Variants in WFDC5 observed in about 807,000 individuals in gnomAD.
WFDC5 encodes WAP four-disulfide core domain 5.
WFDC5 carries 15 observed loss-of-function variants against 15.7 expected under a neutral mutation model. The ratio of observed to expected loss-of-function variants is 0.96; its 90% CI spans 0.64 to 1.47. The LOEUF (loss-of-function observed/expected upper bound fraction) is 1.47, where lower values mean the gene tolerates loss of function less well. Among genes scored for constraint, WFDC5 ranks in the 40% most tolerant of loss-of-function variants. The pLI is 0.00. For synonymous variants in WFDC5, 109 were observed against 107.7 expected, an observed-to-expected ratio of 1.01 and a Z score of -0.07; for missense variants, 280 against 258.0, an observed-to-expected ratio of 1.09 and a Z score of -0.59.
At chr20:45,114,456 C>T (rs143885259) in intron 1 of WFDC5, among the ~76,000 whole-genome samples, 2 of 152,226 alleles carry the variant, frequency 1.3e-5, no homozygotes, top group East Asian at 3.9e-4. Flanking sequence ...AAGCCACACC[C>T]TCTCCTCAAT....
intron 3 of WFDC5, 29 bp downstream of exon 3, chr20:45,110,371 C>T: frequency 6.3e-7 from 1 of 1,575,216 alleles, no homozygotes; most frequent in African/African-American, 1.3e-5. Flanking sequence ...AGAGGGGAGG[C>T]ACCTGCCCTG....
In WFDC5 at chr20:45,110,787, T is replaced by C; in HGVS notation, c.86-12A>G. On this transcript the variant is annotated splice_polypyrimidine_tract_variant and intron_variant, in intron 1 of 3. Coordinates refer to ENST00000307971, the Ensembl canonical transcript of WFDC5. ...GCCCCCCGATTTCTCTGTAAGAGAA[T>C]CTCCTAATATTGCAGCTGGAGGAAG... The C allele has an allele frequency of 6.2e-7, 1 of 1,613,542 alleles. No individual in the cohort carries two copies. Among genetic ancestry groups the C allele is most frequent in the Non-Finnish European group, 8.5e-7 (1 of 1,179,990 alleles).
At chr20:45,115,175 AG>A (rs761423765), upstream of WFDC5, 3 of 1,287,646 alleles carry the variant, frequency 2.3e-6, no homozygotes, top group Non-Finnish European at 3.2e-6. Context: ...GAGGAAAGAG[AG>A]GGGGTGTGGA....
At chr20:45,111,445 T>C (rs1416987369) in intron 1 of WFDC5, among the ~76,000 whole-genome samples, 3 of 152,286 alleles carry the variant, frequency 2.0e-5, no homozygotes, top group African/African-American at 7.2e-5. Flanking sequence ...CGCACAGCAG[T>C]AGGGCTCAGT....
chr20:45,110,733 A>G, exon 2 of WFDC5: 1 of 1,614,216 alleles, frequency 6.2e-7, no homozygotes, highest in Admixed American at 1.7e-5. Flanking sequence ...AGGCACCGAT[A>G]GGAGGCAGGG....
chr20:45,113,460 G>C (rs767820010), intron 1 of WFDC5, among the ~76,000 whole-genome samples: 5 of 152,212 alleles, frequency 3.3e-5, no homozygotes, highest in Non-Finnish European at 7.3e-5. Context: ...CCAGCTCTTT[G>C]CCTCTGAGCA....
At chr20:45,109,958 C>G (rs758798647) in exon 4 of WFDC5, 1 of 1,614,118 alleles carries the variant, frequency 6.2e-7, no homozygotes, top group South Asian at 1.1e-5. Context: ...ATCGTGAACT[C>G]TTTCCGTTGG....
intron 1 of WFDC5, among the ~76,000 whole-genome samples, chr20:45,111,288 A>T (rs60104977): frequency 8.8e-5 from 4 of 45,288 alleles, no homozygotes; most frequent in Admixed American, 2.1e-4. Flanking sequence ...GCGCCCCCCC[A>T]CCCCGGCCCC....
exon 4 of WFDC5, chr20:45,109,525 A>G (rs1733509310): frequency 1.8e-6 from 1 of 543,880 alleles, no homozygotes; most frequent in Admixed American, 3.1e-5. Flanking sequence ...ACATTAAGTA[A>G]ATGGTGGTAC....
chr20:45,115,430 G>T (rs977225315), upstream of WFDC5, among the ~76,000 whole-genome samples: 2 of 152,154 alleles, frequency 1.3e-5, no homozygotes, highest in Non-Finnish European at 2.9e-5. Context: ...TGCTATCCTG[G>T]CTCTCAAAGA....
At position 45,110,640 on chromosome 20, in the gene WFDC5, AC is replaced by A; in HGVS notation, c.220del (p.Val74SerfsTer3). 6.2e-7 allele frequency: 1 copy of A among 1,613,992 alleles called. No homozygotes were observed. The highest frequency in any genetic ancestry group is 8.5e-7 in the Non-Finnish European group (1 of 1,179,972). ...GGTGGAGGGGAGGCATTTACCAGAG[AC>A]CCTGGGGACACACTGGCGGAAGCAA... On this transcript the variant is annotated frameshift_variant, in exon 2 of 4. Transcript: ENST00000307971. LOFTEE classifies it high-confidence loss of function.
At chr20:45,109,890 G>T in exon 4 of WFDC5, 1 of 1,423,018 alleles carries the variant, frequency 7.0e-7, no homozygotes. Context: ...TTATCAGAAG[G>T]CTGGAACCAC....
At chr20:45,111,178 T>C (rs1600608524) in intron 1 of WFDC5, among the ~76,000 whole-genome samples, 1 of 152,230 alleles carries the variant, frequency 6.6e-6, no homozygotes, top group African/African-American at 2.4e-5. Context: ...CCTAGTGCAC[T>C]TCTCCTGTAC....
At chr20:45,110,510 A>G (rs1333392444) in exon 3 of WFDC5, 1 of 1,614,224 alleles carries the variant, frequency 6.2e-7, no homozygotes, top group South Asian at 1.1e-5. Flanking sequence ...GAGGCAGCGC[A>G]GTTGGTCCTC....
At chr20:45,109,528 G>A (rs1428602788) in exon 4 of WFDC5, 2 of 545,914 alleles carry the variant, frequency 3.7e-6, no homozygotes, top group Non-Finnish European at 6.6e-6. Context: ...TTAAGTAAAT[G>A]GTGGTACAGG....
At chr20:45,115,699 C>A (rs969253730), upstream of WFDC5, among the ~76,000 whole-genome samples, 4 of 152,166 alleles carry the variant, frequency 2.6e-5, no homozygotes, top group African/African-American at 9.7e-5. Flanking sequence ...GAACTGCCCT[C>A]TTCCTGGGGC....
upstream of WFDC5, among the ~76,000 whole-genome samples, chr20:45,116,060 T>C (rs1981752137): frequency 6.6e-6 from 1 of 152,198 alleles, no homozygotes; most frequent in Non-Finnish European, 1.5e-5. Context: ...AAGCTGGGAC[T>C]TCCCACTGTG....
chr20:45,112,141 A>AG (rs911714813), intron 1 of WFDC5, among the ~76,000 whole-genome samples: 3 of 148,262 alleles, frequency 2.0e-5, no homozygotes, highest in Non-Finnish European at 3.0e-5. Context: ...TGGCGTGGGG[A>AG]GGGGGAAAAA....
chr20:45,111,489 A>G (rs1470697915), intron 1 of WFDC5, among the ~76,000 whole-genome samples: 2 of 152,198 alleles, frequency 1.3e-5, no homozygotes, highest in South Asian at 2.1e-4. Context: ...AGTGAGGCCC[A>G]GCATTGCACG....
Sources: gnomAD v4.1 joint callset for allele counts (sites outside exome capture counted in the v4.1 genomes callset) on GRCh38, gnomAD v4.1.1 for gene constraint, MANE v1.5 for transcripts, NCBI Gene and HGNC (gene_info 2026-07-23, HGNC 2026-07-21) for gene names.